The following SLC25A40 variants were observed in gnomAD, a reference collection of about 807,000 sequenced individuals.
SLC25A40 encodes solute carrier family 25 member 40, also known as mitochondrial glutathione transporter SLC25A40.
SLC25A40 carries 41 observed loss-of-function variants against 46.5 expected under a neutral mutation model. That is an observed-to-expected ratio of 0.88 (90% CI 0.69 to 1.14). SLC25A40 has a LOEUF of 1.14. Among genes scored for constraint, SLC25A40 ranks in the 50% most tolerant of loss-of-function variants. The pLI is 0.00. For synonymous variants in SLC25A40, 126 were observed against 127.5 expected (o/e 0.99, Z 0.08); for missense variants, 386 against 393.6 (o/e 0.98, Z 0.16).
At chr7:87,851,549 T>C (rs1336442814) in intron 5 of SLC25A40, among the ~76,000 whole-genome samples, 3 of 152,200 alleles carry the variant, frequency 2.0e-5, no homozygotes, top group East Asian at 3.9e-4. Context: ...TAAGGCTCCT[T>C]TGTCCCTCTG....
At chr7:87,841,134 TG>T (rs1838326349) in intron 10 of SLC25A40, among the ~76,000 whole-genome samples, 1 of 122,962 alleles carries the variant, frequency 8.1e-6, no homozygotes, top group Admixed American at 8.0e-5. Context: ...AAAAACAAAA[TG>T]TGTGTGTGTG....
chr7:87,863,351 A>G (rs1270868371), intron 1 of SLC25A40, among the ~76,000 whole-genome samples: 1 of 152,014 alleles, frequency 6.6e-6, no homozygotes, highest in Non-Finnish European at 1.5e-5. Context: ...GTGCGTTCTC[A>G]CAAGATCTGA....
rs1318503997 is a variant in SLC25A40, at chr7:87,833,952, C to CAAAT, written c.*2293_*2296dup. On this transcript the variant is annotated 3_prime_UTR_variant, in exon 12 of 12. Transcript: ENST00000341119. ...AAAAATATTGCCTTTTAAAAAAAAT[C>CAAAT]AAATATGTACTACTTTAAAGGTTGC... 3.3e-5 allele frequency: 5 copies of CAAAT among 151,536 alleles called. No individual in the cohort carries two copies. In the South Asian group the frequency reaches 8.3e-4, roughly 25 times the overall value. The allele number at this position is 151,536 out of a possible 1,614,324, so 9.4% of individuals were successfully genotyped here.
At chr7:87,839,375 TTAAA>T (rs1441851057) in intron 10 of SLC25A40, among the ~76,000 whole-genome samples, 1 of 151,032 alleles carries the variant, frequency 6.6e-6, no homozygotes, top group Non-Finnish European at 1.5e-5. Context: ...ATTAAATCTA[TTAAA>T]TACTTAAATT....
Position 87,854,287 on chromosome 7 carries a change from C to T in SLC25A40, c.181G>A (p.Gly61Arg). ...PKGKCFVYSN[G>R]LMDHLCVCEE... ...CAGACACATAGATGATCCATGAGTC[C>T]ATTACTATATACAAAACATTTTCCT... is the stretch of plus-strand genomic sequence containing the variant. Residue 61 changes from glycine (G) to arginine (R), a missense_variant, in exon 5 of 12, where the codon GGA (glycine) becomes AGA (arginine). By Grantham distance (125) the Gly-to-Arg change is moderately radical. Transcript: ENST00000341119. 6.2e-7 allele frequency: 1 copy of T among 1,611,284 alleles called. No homozygotes were observed. The highest frequency in any genetic ancestry group is 8.5e-7 in the Non-Finnish European group (1 of 1,177,988).
chr7:87,863,344 C>T (rs1017976199), intron 1 of SLC25A40, among the ~76,000 whole-genome samples: 12 of 151,934 alleles, frequency 7.9e-5, no homozygotes, highest in South Asian at 2.1e-4. Flanking sequence ...TGTGATAGTG[C>T]GTTCTCACAA....
Position 87,835,895 on chromosome 7 carries a change from C to T in SLC25A40, c.*354G>A, listed in dbSNP as rs1007201595. On this transcript the variant is annotated 3_prime_UTR_variant, in exon 12 of 12. Coordinates refer to ENST00000341119, the MANE Select transcript of SLC25A40 (RefSeq NM_018843.4). ...TTTCTTCTAGACTATGTACATCATT[C>T]AGCACACAATTCAAAAAGTTCTGGT... 1 of 179,748 alleles carries T rather than the reference C, an allele frequency of 5.6e-6. No homozygotes were observed. Among genetic ancestry groups the T allele is most frequent in the South Asian group, 1.2e-4 (1 of 8,186 alleles). 11.1% of individuals were successfully genotyped at this position (179,748 alleles called of 1,614,324 possible).
chr7:87,844,033 C>A (rs1838376594), intron 8 of SLC25A40, 170 bp from the exon 9 acceptor site: 2 of 975,820 alleles, frequency 2.0e-6, no homozygotes, highest in Non-Finnish European at 1.2e-6. Flanking sequence ...ATGCAAAATT[C>A]TCAGTAATAT....
At position 87,836,212 on chromosome 7, in the gene SLC25A40, T is replaced by G; in HGVS notation, c.*37A>C. The stretch of plus-strand genomic sequence containing the variant: ...TCTTGCCTAAGAGTCTCCATCTTCT[T>G]TGGCTATAGTTGTTGTTTCAAGTTG... On this transcript the variant is annotated 3_prime_UTR_variant, in exon 12 of 12. Coordinates refer to ENST00000341119, the MANE Select transcript of SLC25A40 (RefSeq NM_018843.4). 7.8e-7 allele frequency: 1 copy of G among 1,282,050 alleles called. No individual in the cohort carries two copies. Among genetic ancestry groups the G allele is most frequent in the Non-Finnish European group, 1.1e-6 (1 of 907,252 alleles). The allele number at this position is 1,282,050 out of a possible 1,614,324, so 79.4% of individuals were successfully genotyped here. A position where few individuals can be genotyped will look rare whatever the true frequency, so the allele number is the denominator to read the frequency against.
At chr7:87,870,716 G>A (rs1838883869) in intron 1 of SLC25A40, among the ~76,000 whole-genome samples, 1 of 152,182 alleles carries the variant, frequency 6.6e-6, no homozygotes, top group Non-Finnish European at 1.5e-5. Flanking sequence ...TGTAACTTTG[G>A]AGATGGGTCT....
Position 87,854,256 on chromosome 7 carries a change from T to C in SLC25A40, c.212A>G (p.Glu71Gly), listed in dbSNP as rs535588988. 11 of 1,613,510 alleles carry C rather than the reference T, an allele frequency of 6.8e-6. No individual in the cohort carries two copies. Among genetic ancestry groups the C allele is most frequent in the Non-Finnish European group, 8.5e-6 (10 of 1,179,622 alleles). ...CTTATACCATAGTTTGTTGCCTCCC[T>C]CTTCACAGACACATAGATGATCCAT... is the stretch of plus-strand genomic sequence containing the variant. ...GLMDHLCVCE[E>G]GGNKLWYKKP... is the part of the protein sequence containing the mutation. The change falls in exon 5 of 12, where the codon GAG becomes GGG. Residue 71 changes from glutamate (E) to glycine (G), a missense_variant. Coordinates refer to ENST00000341119, the MANE Select transcript of SLC25A40 (RefSeq NM_018843.4).
At chr7:87,846,816 GA>G in intron 8 of SLC25A40, 132 bp downstream of exon 8, 1 of 589,186 alleles carries the variant, frequency 1.7e-6, no homozygotes, top group Non-Finnish European at 2.6e-6. Flanking sequence ...GCCCAACAAT[GA>G]AAAAGGAGTT....
intron 5 of SLC25A40, 115 bp downstream of exon 5, chr7:87,854,089 T>G (rs1331790912): frequency 2.8e-6 from 2 of 705,318 alleles, no homozygotes; most frequent in African/African-American, 3.7e-5. Context: ...AGCAAAGAAG[T>G]AGTTCCCTGT....
chr7:87,862,448 A>C (rs1397250830), intron 1 of SLC25A40, among the ~76,000 whole-genome samples: 1 of 152,224 alleles, frequency 6.6e-6, no homozygotes, highest in Non-Finnish European at 1.5e-5. Context: ...AGCATTCTCC[A>C]ACATGAAAAA....
At chr7:87,871,191 C>T (rs1838890853) in intron 1 of SLC25A40, among the ~76,000 whole-genome samples, 2 of 152,324 alleles carry the variant, frequency 1.3e-5, no homozygotes, top group Admixed American at 6.5e-5. Flanking sequence ...ACTCCAGTTC[C>T]CATGCATGAA....
intron 1 of SLC25A40, among the ~76,000 whole-genome samples, chr7:87,867,277 T>C (rs1838818716): frequency 6.6e-6 from 1 of 152,232 alleles, no homozygotes; most frequent in African/African-American, 2.4e-5. Context: ...ATCTTGTAGG[T>C]AATCTTCATT....
At chr7:87,865,425 T>C (rs1460038721) in intron 1 of SLC25A40, among the ~76,000 whole-genome samples, 1 of 152,234 alleles carries the variant, frequency 6.6e-6, no homozygotes, top group African/African-American at 2.4e-5. Flanking sequence ...TTTTCTCTTA[T>C]GCTTCATACT....
intron 10 of SLC25A40, among the ~76,000 whole-genome samples, chr7:87,840,231 G>T (rs1226655210): frequency 6.6e-6 from 1 of 151,518 alleles, no homozygotes; most frequent in Non-Finnish European, 1.5e-5. Flanking sequence ...AAGAAAGATG[G>T]CTCCCTGGTG....
At chr7:87,861,125 T>C (rs1450396844) in intron 1 of SLC25A40, among the ~76,000 whole-genome samples, 1 of 152,176 alleles carries the variant, frequency 6.6e-6, no homozygotes, top group East Asian at 1.9e-4. Flanking sequence ...TGTAACAAGG[T>C]AATGGATGCC....
Sources: gnomAD v4.1 joint callset for allele counts (sites outside exome capture counted in the v4.1 genomes callset) on GRCh38, gnomAD v4.1.1 for gene constraint, MANE v1.5 for transcripts, NCBI Gene and HGNC (gene_info 2026-07-23, HGNC 2026-07-21) for gene names.